PTPRD: variants seen among roughly 807,000 people sequenced by gnomAD.
PTPRD encodes receptor-type tyrosine-protein phosphatase delta.
Under a neutral mutation model 214.5 loss-of-function variants are expected in PTPRD, and 34 were observed. That is an observed-to-expected ratio of 0.16 (90% CI 0.12 to 0.21). The LOEUF (loss-of-function observed/expected upper bound fraction) is 0.21, where lower values mean the gene tolerates loss of function less well. PTPRD is among the 10% of genes least tolerant of loss of function. The probability of loss-of-function intolerance (pLI) is 1.00; values close to 1 mark genes in which losing one functional copy is unlikely to be tolerated. For missense variants in PTPRD, 2,545 were observed against 2,398.7 expected (o/e 1.06, Z -1.27); for synonymous variants, 1,128 against 845.7 (o/e 1.33, Z -5.79).
At chr9:9,106,111 C>T (rs1284900653) in intron 10 of PTPRD, among the ~76,000 whole-genome samples, 2 of 152,072 alleles carry the variant, frequency 1.3e-5, no homozygotes, top group Admixed American at 1.3e-4. Context: ...GCAAGAGCTT[C>T]GTAGGAAACC....
chr9:8,869,392 A>G (rs1223185671), intron 11 of PTPRD, among the ~76,000 whole-genome samples: 1 of 152,318 alleles, frequency 6.6e-6, no homozygotes, highest in South Asian at 2.1e-4. Flanking sequence ...AAATGTTAAC[A>G]TTTGTATGGT....
At chr9:8,692,455 C>T (rs1254911341) in intron 12 of PTPRD, among the ~76,000 whole-genome samples, 1 of 152,206 alleles carries the variant, frequency 6.6e-6, no homozygotes, top group Admixed American at 6.5e-5. Flanking sequence ...CTCACTTCCA[C>T]ATCATTTCCA....
At chr9:8,624,415 T>C (rs1479109805) in intron 14 of PTPRD, among the ~76,000 whole-genome samples, 1 of 151,862 alleles carries the variant, frequency 6.6e-6, no homozygotes, top group Non-Finnish European at 1.5e-5. Context: ...TTCAGAGTTC[T>C]TCACCCTCCC....
Position 8,371,798 on chromosome 9 carries a change from G to C in PTPRD, c.4661+4138C>G, listed in dbSNP as rs187890061. 6.6e-5 allele frequency among the ~76,000 whole-genome samples: 10 copies of C among 152,178 alleles called. 1 individual carries two copies. The East Asian group carries it at 1.4e-3, about 21-fold the overall frequency. ...CATCAAGGTTGAACACCATCAGGTA[G>C]AGAAGGGGAATTGTTGAAATTCTAG... On this transcript the variant is annotated intron_variant, in intron 39 of 45. Coordinates refer to ENST00000381196, the MANE Select transcript of PTPRD (RefSeq NM_002839.4).
intron 11 of PTPRD, among the ~76,000 whole-genome samples, chr9:8,785,466 T>C (rs529444379): frequency 4.5e-4 from 68 of 152,292 alleles, no homozygotes; most frequent in African/African-American, 1.5e-3. Flanking sequence ...TGAATATCCT[T>C]TTGATGACCT....
chr9:8,428,794 G>A (rs2094859741), intron 35 of PTPRD, among the ~76,000 whole-genome samples: 1 of 152,208 alleles, frequency 6.6e-6, no homozygotes, highest in African/African-American at 2.4e-5. Context: ...AGATATGACA[G>A]TAGTTTTGCA....
At chr9:9,214,657 A>G (rs1314368623) in intron 9 of PTPRD, among the ~76,000 whole-genome samples, 3 of 152,156 alleles carry the variant, frequency 2.0e-5, no homozygotes, top group Admixed American at 1.3e-4. Flanking sequence ...TTTGTTTTTT[A>G]AACTTTTAGA....
rs538017825 is a variant in PTPRD, at chr9:10,169,170, G to GA, written c.-544-135381dup. Among the ~76,000 whole-genome samples the GA allele has an allele frequency of 4.0e-3, 601 of 152,152 alleles. 3 individuals carry two copies. Among genetic ancestry groups the GA allele is most frequent in the African/African-American group, 0.013 (552 of 41,528 alleles). On this transcript the variant is annotated intron_variant, in intron 3 of 45. Coordinates refer to ENST00000381196, the MANE Select transcript of PTPRD (RefSeq NM_002839.4). ...TGATGTCCAAATCCTATGAAAGGAA[G>GA]AAAAAACCTATGAATAAAAGCAGGC...
At chr9:8,351,406 CT>C (rs35280197) in intron 39 of PTPRD, among the ~76,000 whole-genome samples, 10,767 of 147,248 alleles carry the variant, frequency 0.073, 455 homozygotes, top group Middle Eastern at 0.12. Flanking sequence ...TTTTTTGTAG[CT>C]TTTTTTTTTA....
At chr9:10,461,257 G>T (rs1284740098) in intron 2 of PTPRD, among the ~76,000 whole-genome samples, 1 of 151,520 alleles carries the variant, frequency 6.6e-6, no homozygotes, top group African/African-American at 2.4e-5. Context: ...GTAAGAATGG[G>T]GGAAAAAAGG....
At chr9:9,795,910 T>G (rs2098999307) in intron 5 of PTPRD, among the ~76,000 whole-genome samples, 1 of 152,122 alleles carries the variant, frequency 6.6e-6, no homozygotes, top group Non-Finnish European at 1.5e-5. Flanking sequence ...AGTACATTTC[T>G]AGTCTCTCTA....
At chr9:9,416,226 C>A (rs1489779147) in intron 8 of PTPRD, among the ~76,000 whole-genome samples, 1 of 152,148 alleles carries the variant, frequency 6.6e-6, no homozygotes, top group African/African-American at 2.4e-5. Flanking sequence ...GATCGGTTCT[C>A]TTGTCTGAAA....
chr9:8,526,721 G>T, intron 16 of PTPRD, 77 bp from the exon 17 acceptor site: 1 of 1,198,278 alleles, frequency 8.3e-7, no homozygotes, highest in Non-Finnish European at 1.2e-6. Flanking sequence ...TAGGGCTGGG[G>T]AGAAGAATTA....
intron 11 of PTPRD, among the ~76,000 whole-genome samples, chr9:8,899,229 A>G (rs2098645476): frequency 6.6e-6 from 1 of 152,174 alleles, no homozygotes; most frequent in African/African-American, 2.4e-5. Context: ...TCATTTCTGA[A>G]CCTGGGTCCC....
intron 2 of PTPRD, among the ~76,000 whole-genome samples, chr9:10,557,426 T>C (rs2062863986): frequency 6.6e-6 from 1 of 152,126 alleles, no homozygotes; most frequent in Admixed American, 6.6e-5. Flanking sequence ...TCTCTTTCAT[T>C]GTTATGTTTG....
chr9:10,421,224 G>A lies in PTPRD; in HGVS notation c.-599-80207C>T, dbSNP rs139446893. ...CAGGGGGTTCTGCACTGCAGATTAC[G>A]GGAGGAGTTCCCTAGCTAGGTGCAC... On this transcript the variant is annotated intron_variant, in intron 2 of 45. Transcript: ENST00000381196. Among the ~76,000 whole-genome samples the A allele has an allele frequency of 4.9e-4, 75 of 151,912 alleles. 1 individual carries two copies. In the East Asian group the frequency reaches 0.013, roughly 27 times the overall value.
intron 10 of PTPRD, among the ~76,000 whole-genome samples, chr9:9,166,951 G>A (rs1446101591): frequency 6.6e-6 from 1 of 152,076 alleles, no homozygotes; most frequent in African/African-American, 2.4e-5. Context: ...ACCTCACTTT[G>A]CAATATACGC....
chr9:9,835,153 T>C (rs888218778), intron 5 of PTPRD, among the ~76,000 whole-genome samples: 13 of 152,116 alleles, frequency 8.5e-5, no homozygotes, highest in African/African-American at 2.7e-4. Flanking sequence ...ATTTAATACA[T>C]AGTGTTAGTA....
chr9:9,518,602 T>C (rs2096891313), intron 8 of PTPRD, among the ~76,000 whole-genome samples: 1 of 152,046 alleles, frequency 6.6e-6, no homozygotes, highest in African/African-American at 2.4e-5. Flanking sequence ...GCCTCTAACA[T>C]GGAGGAATAG....
Sources: allele counts gnomAD v4.1 joint callset (sites outside exome capture counted in the v4.1 genomes callset), GRCh38; gene constraint gnomAD v4.1.1; transcripts MANE v1.5; gene names NCBI Gene and HGNC (gene_info 2026-07-23, HGNC 2026-07-21).